Variants in BRCA1 observed in about 807,000 individuals in gnomAD.
BRCA1 encodes the protein breast cancer type 1 susceptibility protein.
Under a neutral mutation model 173.7 loss-of-function variants are expected in BRCA1, and 140 were observed. That is an observed-to-expected ratio of 0.81 (90% CI 0.70 to 0.93). BRCA1 has a LOEUF of 0.93. Ranked by LOEUF, BRCA1 falls within the 40% of genes least tolerant of loss-of-function variation. The pLI, the probability that BRCA1 is intolerant of heterozygous loss-of-function variation, is 0.00. For missense variants in BRCA1, 1,983 were observed against 2,172.5 expected (o/e 0.91, Z 1.73); for synonymous variants, 662 against 756.0 (o/e 0.88, Z 2.04).
chr17:43,169,212 T>C (rs1434095516), intron 1 of BRCA1, among the ~76,000 whole-genome samples: 2 of 152,198 alleles, frequency 1.3e-5, no homozygotes, highest in Non-Finnish European at 2.9e-5. Context: ...GGAGTGTCGT[T>C]CTGCCACCCA....
intron 1 of BRCA1, chr17:43,164,960 T>C (rs1025433747): frequency 3.3e-5 from 5 of 152,230 alleles, no homozygotes; most frequent in African/African-American, 1.2e-4. Context: ...AGTGCCTTTT[T>C]CCTGAGAAAT....
intron 16 of BRCA1, 33 bp from the exon 17 acceptor site, chr17:43,063,984 GT>G: frequency 6.2e-7 from 1 of 1,601,836 alleles, no homozygotes; most frequent in East Asian, 2.2e-5. Context: ...AGGATTAGAA[GT>G]TGAAAACAAA....
intron 18 of BRCA1, 118 bp downstream of exon 18, chr17:43,063,215 T>C (rs2051843154): frequency 2.4e-6 from 2 of 844,770 alleles, no homozygotes; most frequent in South Asian, 1.4e-5. Context: ...ATCCTCATTA[T>C]CATGGAAAAT....
chr17:43,087,062 C>T (rs2053256334), intron 11 of BRCA1, among the ~76,000 whole-genome samples: 1 of 152,160 alleles, frequency 6.6e-6, no homozygotes, highest in Non-Finnish European at 1.5e-5. Flanking sequence ...TGGCAAGGTA[C>T]AGGAAAATGG....
intron 1 of BRCA1, among the ~76,000 whole-genome samples, chr17:43,147,845 C>G (rs1358228770): frequency 6.6e-6 from 1 of 152,214 alleles, no homozygotes; most frequent in Non-Finnish European, 1.5e-5. Context: ...TTCCCTACCC[C>G]TTCCCCAAAG....
At chr17:43,169,863 C>T in intron 1 of BRCA1, 2 of 348,712 alleles carry the variant, frequency 5.7e-6, no homozygotes, top group Non-Finnish European at 1.1e-5. Context: ...GCTCACGACG[C>T]GCAGTCACGT....
chr17:43,100,694 T>C (rs866536561), intron 6 of BRCA1, among the ~76,000 whole-genome samples: 3 of 23,334 alleles, frequency 1.3e-4, no homozygotes, highest in Non-Finnish European at 7.9e-4. Flanking sequence ...TATATATATA[T>C]ATATATATGT....
At chr17:43,067,227 T>C (rs2052123229) in intron 16 of BRCA1, 2 of 248,338 alleles carry the variant, frequency 8.1e-6, no homozygotes, top group East Asian at 1.1e-4. Context: ...ATCCATGCTA[T>C]GCTCAACAAA....
intron 11 of BRCA1, among the ~76,000 whole-genome samples, chr17:43,087,281 C>T (rs2053262932): frequency 6.6e-6 from 1 of 152,144 alleles, no homozygotes; most frequent in Non-Finnish European, 1.5e-5. Context: ...CCTGAAACCT[C>T]CAACATTCAG....
intron 19 of BRCA1, among the ~76,000 whole-genome samples, chr17:43,056,743 CAA>C (rs940753932): frequency 5.9e-5 from 9 of 151,928 alleles, no homozygotes; most frequent in African/African-American, 1.7e-4. Flanking sequence ...GTGAAAAGAG[CAA>C]AGTCTTTAGA....
intron 2 of BRCA1, among the ~76,000 whole-genome samples, chr17:43,120,603 A>C (rs1196563588): frequency 6.6e-6 from 1 of 152,012 alleles, no homozygotes; most frequent in African/African-American, 2.4e-5. Context: ...GTCTCTACTA[A>C]AAATACAAAA....
chr17:43,109,798 G>C (rs925432041), intron 3 of BRCA1, among the ~76,000 whole-genome samples: 1 of 152,070 alleles, frequency 6.6e-6, no homozygotes, highest in Non-Finnish European at 1.5e-5. Flanking sequence ...TAGTACAGTA[G>C]AGTGACAAGC....
intron 19 of BRCA1, 32 bp downstream of exon 19, chr17:43,057,020 G>T: frequency 6.2e-7 from 1 of 1,605,486 alleles, no homozygotes; most frequent in Non-Finnish European, 8.5e-7. Context: ...GGTGGGGTGA[G>T]ATTTTTGTCA....
intron 12 of BRCA1, among the ~76,000 whole-genome samples, chr17:43,081,095 T>C (rs892401417): frequency 5.9e-5 from 9 of 152,138 alleles, no homozygotes; most frequent in Admixed American, 5.2e-4. Context: ...GAGGAGATAG[T>C]AGATTTACAC....
chr17:43,079,571 C>A (rs1325030582), intron 12 of BRCA1: 4 of 872,352 alleles, frequency 4.6e-6, no homozygotes, highest in Non-Finnish European at 7.8e-6. Flanking sequence ...AATTAATGTG[C>A]GTATTGAGCA....
chr17:43,109,543 T>G (rs573801537), intron 3 of BRCA1, among the ~76,000 whole-genome samples: 24 of 152,262 alleles, frequency 1.6e-4, no homozygotes, highest in African/African-American at 5.3e-4. Context: ...AGTACCATAT[T>G]GCACTCAACA....
chr17:43,097,845 A>G (rs2054203222), intron 7 of BRCA1, among the ~76,000 whole-genome samples: 3 of 152,218 alleles, frequency 2.0e-5, no homozygotes, highest in Admixed American at 6.5e-5. Context: ...ATCAACTACT[A>G]TAACTATTTT....
chr17:43,094,690 T>A lies in BRCA1; in HGVS notation c.841A>T (p.Ser281Cys), dbSNP rs1300771163. The change falls in exon 10 of 23, where the codon AGC (serine) becomes TGC (cysteine). Residue 281 changes from serine to cysteine, a missense_variant. Transcript: ENST00000357654. Reference protein sequence around the residue: ...VEPCGTNTHASSLQHENSSLL... With the variant: ...VEPCGTNTHACSLQHENSSLL... ...CTGCTGTTCTCATGCTGTAATGAGC[T>A]GGCATGAGTATTTGTGCCACATGGC... 1 of 1,613,558 alleles carries A rather than the reference T, an allele frequency of 6.2e-7. No individual in the cohort carries two copies. Among genetic ancestry groups the A allele is most frequent in the Admixed American group, 1.7e-5 (1 of 59,944 alleles).
intron 1 of BRCA1, among the ~76,000 whole-genome samples, chr17:43,143,086 A>ATT (rs2056091604): frequency 6.7e-6 from 1 of 149,124 alleles, no homozygotes; most frequent in African/African-American, 2.5e-5. Flanking sequence ...GTGTGTGTGT[A>ATT]TATTTATTTA....
Sources: allele counts gnomAD v4.1 joint callset (sites outside exome capture counted in the v4.1 genomes callset), GRCh38; gene constraint gnomAD v4.1.1; transcripts MANE v1.5; gene names NCBI Gene and HGNC (gene_info 2026-07-23, HGNC 2026-07-21).